The following ENPP6 variants were observed in gnomAD, a reference collection of about 807,000 sequenced individuals.
The protein encoded by ENPP6 is ectonucleotide pyrophosphatase/phosphodiesterase 6, also known as glycerophosphocholine cholinephosphodiesterase ENPP6.
Under a neutral mutation model 42.0 loss-of-function variants are expected in ENPP6, and 32 were observed. The ratio of observed to expected loss-of-function variants is 0.76; its 90% CI spans 0.58 to 1.02. The LOEUF (loss-of-function observed/expected upper bound fraction) is 1.02. ENPP6 is among the 50% of genes least tolerant of loss of function. ENPP6 has a pLI of 0.00. For missense variants in ENPP6, 552 were observed against 566.8 expected, an observed-to-expected ratio of 0.97 and a Z score of 0.27; for synonymous variants, 213 against 216.0, an observed-to-expected ratio of 0.99 and a Z score of 0.12.
At position 184,217,715 on chromosome 4, in the gene ENPP6, G is replaced by A. The variant is rs960185432; in HGVS notation, c.105C>T (p.Arg35=). The A allele has an allele frequency of 6.2e-7, 1 of 1,614,218 alleles. No homozygotes were observed. Among genetic ancestry groups the A allele is most frequent in the Non-Finnish European group, 8.5e-7 (1 of 1,180,044 alleles). The change falls in exon 1 of 8, where the codon CGC becomes CGT. Residue 35 remains arginine (R), a synonymous_variant. Transcript: ENST00000296741. ...KLLVFLLDGF[R]SDYISDEALE... is the part of the protein sequence containing the mutation. ...GCGCCTCATCACTGATGTAGTCTGAGCGAAAACCATCCAGCAGAAACACCA... is the reference window on the plus strand; with the variant it reads ...GCGCCTCATCACTGATGTAGTCTGAACGAAAACCATCCAGCAGAAACACCA...
At chr4:184,200,353 T>C (rs1041847643) in intron 1 of ENPP6, among the ~76,000 whole-genome samples, 1 of 152,168 alleles carries the variant, frequency 6.6e-6, no homozygotes, top group Non-Finnish European at 1.5e-5. Flanking sequence ...CTTACCACAC[T>C]GTTATTACTG....
In ENPP6 at chr4:184,217,760, G is replaced by C. The variant is rs766153331; in HGVS notation, c.60C>G (p.Ala20=). The stretch of plus-strand genomic sequence containing the variant: ...ACACCAGCAGCTTCCGGCGGGCAGA[G>C]GCTGGCTGGGCCAGGCCCAGGGCAA... The part of the protein sequence containing the change: ...LALALGLAQP[A]SARRKLLVFL... The change falls in exon 1 of 8, where the codon GCC becomes GCG. Residue 20 remains alanine, a synonymous_variant. Coordinates refer to ENST00000296741, the MANE Select transcript of ENPP6 (RefSeq NM_153343.4). 3 of 1,614,098 alleles carry C rather than the reference G, an allele frequency of 1.9e-6. No homozygotes were observed. Among genetic ancestry groups the C allele is most frequent in the South Asian group, 2.2e-5 (2 of 91,086 alleles).
chr4:184,132,493 T>C (rs1212413707), intron 2 of ENPP6, among the ~76,000 whole-genome samples: 1 of 152,172 alleles, frequency 6.6e-6, no homozygotes, highest in African/African-American at 2.4e-5. Flanking sequence ...TTTTGTCCTT[T>C]CTAGTAATGT....
At chr4:184,206,041 A>T (rs2310000) in intron 1 of ENPP6, among the ~76,000 whole-genome samples, 33,163 of 151,754 alleles carry the variant, frequency 0.22, 4,426 homozygotes, top group East Asian at 0.74. Context: ...TGCAAGAGAG[A>T]GTAGGAAGAC....
intron 1 of ENPP6, among the ~76,000 whole-genome samples, chr4:184,153,970 A>G (rs1267159155): frequency 6.6e-6 from 1 of 152,076 alleles, no homozygotes; most frequent in Non-Finnish European, 1.5e-5. Context: ...GAGTGACGTC[A>G]CCCTGTCAAG....
chr4:184,128,611 C>T (rs1235776011), intron 2 of ENPP6, among the ~76,000 whole-genome samples: 2 of 147,864 alleles, frequency 1.4e-5, no homozygotes, highest in African/African-American at 2.5e-5. Flanking sequence ...AAAAAACCTA[C>T]ACACACAAAG....
At chr4:184,105,376 C>T (rs978976222) in intron 6 of ENPP6, among the ~76,000 whole-genome samples, 2 of 152,202 alleles carry the variant, frequency 1.3e-5, no homozygotes, top group South Asian at 2.1e-4. Flanking sequence ...CTAGACCCCA[C>T]AGAAGCCAGA....
intron 6 of ENPP6, among the ~76,000 whole-genome samples, chr4:184,107,472 C>T (rs1011378044): frequency 2.6e-5 from 4 of 152,208 alleles, no homozygotes; most frequent in African/African-American, 7.2e-5. Context: ...AACTGGGGGC[C>T]CTTGCTTTGC....
chr4:184,152,993 A>G (rs976193070), intron 2 of ENPP6, among the ~76,000 whole-genome samples: 6 of 151,488 alleles, frequency 4.0e-5, no homozygotes, highest in African/African-American at 1.5e-4. Context: ...AACATTTTGC[A>G]CATGAAAAAA....
chr4:184,164,887 C>T (rs1737324530), intron 1 of ENPP6, among the ~76,000 whole-genome samples: 1 of 152,214 alleles, frequency 6.6e-6, no homozygotes, highest in Non-Finnish European at 1.5e-5. Context: ...GATCCCGAGG[C>T]TCAGCTCTTC....
chr4:184,125,805 A>G (rs1287164471), intron 2 of ENPP6, among the ~76,000 whole-genome samples: 3 of 152,214 alleles, frequency 2.0e-5, no homozygotes, highest in Non-Finnish European at 4.4e-5. Context: ...CCAGAAATAA[A>G]TACTGCTCAT....
intron 1 of ENPP6, among the ~76,000 whole-genome samples, chr4:184,210,800 C>G (rs1733097794): frequency 6.6e-6 from 1 of 152,114 alleles, no homozygotes; most frequent in Non-Finnish European, 1.5e-5. Flanking sequence ...TTCAGCACCA[C>G]ACAACACCTA....
chr4:184,110,422 T>C (rs1191264962), intron 6 of ENPP6, among the ~76,000 whole-genome samples: 1 of 152,210 alleles, frequency 6.6e-6, no homozygotes, highest in African/African-American at 2.4e-5. Context: ...TCCTCATGTG[T>C]GTGAACTTCT....
chr4:184,206,251 ATTTTTTT>A (rs1554000365), intron 1 of ENPP6, among the ~76,000 whole-genome samples: 5 of 93,394 alleles, frequency 5.4e-5, no homozygotes, highest in Non-Finnish European at 8.3e-5. Context: ...GGAAGCTTGA[ATTTTTTT>A]TTTTTTTTTT....
At chr4:184,217,444 T>C (rs560303845) in intron 1 of ENPP6, 135 bp downstream of exon 1, 34 of 1,286,968 alleles carry the variant, frequency 2.6e-5, no homozygotes, top group Non-Finnish European at 3.6e-5. Flanking sequence ...ACACAGATTT[T>C]TTTTATCTAC....
chr4:184,215,124 G>T lies in ENPP6; in HGVS notation c.241+2455C>A, dbSNP rs117121089. On this transcript the variant is annotated intron_variant, in intron 1 of 7. Coordinates refer to ENST00000296741, the MANE Select transcript of ENPP6 (RefSeq NM_153343.4). ...TATTTTGCCTGAAGTCTCCAAGCAA[G>T]TTCTCCCAGCTCAAGGGCCAGCATT... Among the ~76,000 whole-genome samples the T allele has an allele frequency of 1.1e-3, 169 of 152,264 alleles. 2 individuals carry two copies. The East Asian group carries it at 0.03, about 27-fold the overall frequency.
Position 184,133,874 on chromosome 4 carries a change from T to G in ENPP6, c.422-9602A>C, listed in dbSNP as rs184343743. ...ACTGTTGTAAATGATATTGATTGAT[T>G]TTTTTTTTTTTGAGATGGAGCCTCA... On this transcript the variant is annotated intron_variant, in intron 2 of 7. Coordinates refer to ENST00000296741, the MANE Select transcript of ENPP6 (RefSeq NM_153343.4). Among the ~76,000 whole-genome samples the G allele has an allele frequency of 4.0e-5, 6 of 150,236 alleles. No individual in the cohort carries two copies. In the East Asian group the frequency reaches 9.7e-4, roughly 24 times the overall value.
chr4:184,097,448 C>T, intron 6 of ENPP6, 80 bp from the exon 7 acceptor site: 1 of 1,576,088 alleles, frequency 6.3e-7, no homozygotes, highest in Non-Finnish European at 8.6e-7. Context: ...GCCGCCACTC[C>T]ACCGGGGGGC....
intron 2 of ENPP6, among the ~76,000 whole-genome samples, chr4:184,136,108 G>A (rs996363112): frequency 2.6e-5 from 4 of 151,398 alleles, no homozygotes; most frequent in African/African-American, 9.7e-5. Flanking sequence ...TCCTCTATTA[G>A]TTTGCTATTT....
Sources: allele counts gnomAD v4.1 joint callset (sites outside exome capture counted in the v4.1 genomes callset), GRCh38; gene constraint gnomAD v4.1.1; transcripts MANE v1.5; gene names NCBI Gene and HGNC (gene_info 2026-07-23, HGNC 2026-07-21).